The following THADA variants were observed in gnomAD, a reference collection of about 807,000 sequenced individuals.
The protein encoded by THADA is THADA armadillo repeat containing.
A neutral mutation model predicts 219.8 loss-of-function variants in THADA; 213 were observed. The observed-to-expected ratio is 0.97, with a 90% CI of 0.87 to 1.09. The LOEUF is 1.09. Ranked by LOEUF, THADA falls within the 50% of genes least tolerant of loss-of-function variation. The probability of loss-of-function intolerance (pLI) is 0.00; values close to 1 mark genes in which losing one functional copy is unlikely to be tolerated. For synonymous variants in THADA, 1,018 were observed against 828.9 expected (o/e 1.23, Z -3.92); for missense variants, 2,956 against 2,311.3 (o/e 1.28, Z -5.72).
intron 29 of THADA, 21 bp from the exon 30 acceptor site, chr2:43,344,258 A>T (rs1667384505): frequency 6.6e-7 from 1 of 1,523,590 alleles, no homozygotes; most frequent in African/African-American, 1.4e-5. Context: ...AAAGAAAAAA[A>T]AATCCTGCTG....
At chr2:43,513,669 TAGAG>T (rs1008092794) in intron 22 of THADA, among the ~76,000 whole-genome samples, 3 of 151,928 alleles carry the variant, frequency 2.0e-5, no homozygotes, top group Non-Finnish European at 4.4e-5. Flanking sequence ...GTTCCTCTGA[TAGAG>T]AGGAAAGAGC....
intron 22 of THADA, among the ~76,000 whole-genome samples, chr2:43,514,232 G>T (rs937878744): frequency 6.6e-6 from 1 of 151,164 alleles, no homozygotes; most frequent in Admixed American, 6.6e-5. Context: ...GGCAGATCAC[G>T]TGAGCTCTGG....
At chr2:43,370,641 T>C (rs1042083784) in intron 29 of THADA, among the ~76,000 whole-genome samples, 1 of 152,160 alleles carries the variant, frequency 6.6e-6, no homozygotes, top group African/African-American at 2.4e-5. Flanking sequence ...AAGCAAATGA[T>C]AGGAAGCTAA....
At chr2:43,490,376 T>A (rs550706360) in intron 25 of THADA, among the ~76,000 whole-genome samples, 2 of 152,204 alleles carry the variant, frequency 1.3e-5, no homozygotes, top group East Asian at 3.8e-4. Context: ...CAATGTTGAA[T>A]AGGAGTGACA....
chr2:43,513,033 G>A (rs1690694177), intron 22 of THADA, among the ~76,000 whole-genome samples: 1 of 152,100 alleles, frequency 6.6e-6, no homozygotes, highest in South Asian at 2.1e-4. Flanking sequence ...GTGTTATCTG[G>A]TTTAGAATCC....
intron 36 of THADA, among the ~76,000 whole-genome samples, chr2:43,248,224 G>GAGAGAGACAGAGAGAC (rs1669454763): frequency 1.4e-5 from 2 of 143,884 alleles, no homozygotes; most frequent in Admixed American, 1.4e-4. Flanking sequence ...GACAGAGAGA[G>GAGAGAGACAGAGAGAC]AGAGAGACAG....
intron 26 of THADA, among the ~76,000 whole-genome samples, chr2:43,439,373 T>C (rs931560111): frequency 3.9e-5 from 6 of 152,226 alleles, no homozygotes; most frequent in African/African-American, 1.4e-4. Flanking sequence ...AATCTCTTAC[T>C]GTGCCTAATT....
At chr2:43,576,213 T>C (rs764136337) in intron 10 of THADA, among the ~76,000 whole-genome samples, 6 of 152,252 alleles carry the variant, frequency 3.9e-5, no homozygotes, top group Admixed American at 6.5e-5. Context: ...AATTGCATAA[T>C]ATAGCTCAAA....
intron 29 of THADA, among the ~76,000 whole-genome samples, chr2:43,374,134 G>T (rs1296299622): frequency 6.6e-6 from 1 of 152,188 alleles, no homozygotes; most frequent in Non-Finnish European, 1.5e-5. Context: ...TATTGGACAT[G>T]CATTAAGCCT....
At chr2:43,312,794 T>TA (rs1395856639) in intron 31 of THADA, among the ~76,000 whole-genome samples, 4 of 151,152 alleles carry the variant, frequency 2.6e-5, no homozygotes, top group African/African-American at 9.7e-5. Context: ...CAGAAGACTC[T>TA]AAAAATATGT....
chr2:43,337,368 G>A (rs1666573584), intron 30 of THADA, among the ~76,000 whole-genome samples: 1 of 152,222 alleles, frequency 6.6e-6, no homozygotes, highest in African/African-American at 2.4e-5. Flanking sequence ...CATGTGGTGT[G>A]TCTCCCCAGT....
At chr2:43,417,693 A>G (rs905160137) in intron 28 of THADA, among the ~76,000 whole-genome samples, 3 of 152,220 alleles carry the variant, frequency 2.0e-5, no homozygotes, top group Non-Finnish European at 4.4e-5. Flanking sequence ...ACAGCATCAT[A>G]AACAGATGAG....
intron 26 of THADA, among the ~76,000 whole-genome samples, chr2:43,449,966 C>A (rs943924661): frequency 1.3e-5 from 2 of 152,092 alleles, no homozygotes; most frequent in Non-Finnish European, 2.9e-5. Flanking sequence ...ATAAGACATT[C>A]CCAGATAAAT....
In THADA at chr2:43,556,574, T is replaced by C. The variant is rs775778157; in HGVS notation, c.2464-19A>G. On this transcript the variant is annotated intron_variant, in intron 16 of 37. Coordinates refer to ENST00000405975, the MANE Select transcript of THADA (RefSeq NM_022065.5). ...CCGAATCCTAGAATAAAGCGCAGAC[T>C]CAGTAACTGTCAAATTAAAGATCTC... The C allele has an allele frequency of 1.3e-6, 2 of 1,591,094 alleles. No homozygotes were observed. The highest frequency in any genetic ancestry group is 1.1e-5 in the South Asian group (1 of 87,982).
chr2:43,333,537 GA>G (rs1268689448), intron 30 of THADA, among the ~76,000 whole-genome samples: 2 of 150,360 alleles, frequency 1.3e-5, no homozygotes, highest in Non-Finnish European at 3.0e-5. Context: ...AAAAAAGAAG[GA>G]AAGAAAGAAA....
intron 29 of THADA, among the ~76,000 whole-genome samples, chr2:43,368,368 C>T (rs75773767): frequency 0.026 from 3,892 of 152,216 alleles, 72 homozygotes; most frequent in Middle Eastern, 0.082. Context: ...CTCTCAACAT[C>T]GTTAGCCCCT....
At chr2:43,503,736 T>G (rs536591838) in intron 24 of THADA, among the ~76,000 whole-genome samples, 1 of 152,158 alleles carries the variant, frequency 6.6e-6, no homozygotes, top group South Asian at 2.1e-4. Flanking sequence ...AATTATCAAC[T>G]AAAAAAGCTT....
chr2:43,364,005 T>C (rs910532097), intron 29 of THADA, among the ~76,000 whole-genome samples: 4 of 152,132 alleles, frequency 2.6e-5, no homozygotes, highest in Admixed American at 2.0e-4. Flanking sequence ...GCAGATTGCT[T>C]GAGCTCACAA....
chr2:43,342,741 C>T (rs1487883241), intron 30 of THADA, among the ~76,000 whole-genome samples: 1 of 152,164 alleles, frequency 6.6e-6, no homozygotes, highest in African/African-American at 2.4e-5. Context: ...TTTCTCACTT[C>T]CTGGAAGTCC....
Sources: allele counts gnomAD v4.1 joint callset (sites outside exome capture counted in the v4.1 genomes callset), GRCh38; gene constraint gnomAD v4.1.1; transcripts MANE v1.5; gene names NCBI Gene and HGNC (gene_info 2026-07-23, HGNC 2026-07-21).